The following AGBL3 variants were observed in gnomAD, a reference collection of about 807,000 sequenced individuals.
AGBL3 encodes the protein AGBL carboxypeptidase 3, also known as cytosolic carboxypeptidase 3.
A neutral mutation model predicts 94.5 loss-of-function variants in AGBL3; 68 were observed. The observed-to-expected ratio is 0.72, with a 90% confidence interval of 0.59 to 0.88. The LOEUF (loss-of-function observed/expected upper bound fraction) is 0.88, where lower values mean the gene tolerates loss of function less well. AGBL3 is among the 40% of genes least tolerant of loss of function. The probability of loss-of-function intolerance (pLI) is 0.00; values close to 1 mark genes in which losing one functional copy is unlikely to be tolerated. For missense variants in AGBL3, 934 were observed against 1,103.8 expected (o/e 0.85, Z 2.18); for synonymous variants, 354 against 370.7 (o/e 0.95, Z 0.52).
intron 15 of AGBL3, among the ~76,000 whole-genome samples, chr7:135,101,923 A>G (rs764087065): frequency 3.3e-5 from 5 of 152,170 alleles, no homozygotes; most frequent in Non-Finnish European, 7.3e-5. Flanking sequence ...GATAGTAAAT[A>G]AGTCTCACGA....
At chr7:135,079,387 C>A (rs1266459046) in intron 13 of AGBL3, among the ~76,000 whole-genome samples, 1 of 151,982 alleles carries the variant, frequency 6.6e-6, no homozygotes, top group Non-Finnish European at 1.5e-5. Flanking sequence ...TTTTTTGCTG[C>A]CAATCAATTA....
chr7:135,027,369 A>G (rs1406229289), intron 5 of AGBL3, among the ~76,000 whole-genome samples: 2 of 151,576 alleles, frequency 1.3e-5, no homozygotes, highest in Non-Finnish European at 2.9e-5. Context: ...AATTAATATT[A>G]TACCTTTTTT....
intron 15 of AGBL3, among the ~76,000 whole-genome samples, chr7:135,113,901 T>C (rs1825970872): frequency 6.6e-6 from 1 of 152,260 alleles, no homozygotes; most frequent in Non-Finnish European, 1.5e-5. Context: ...GTCAATGGAA[T>C]ATTCTAGTCA....
At chr7:135,114,797 T>C (rs908336265) in intron 15 of AGBL3, among the ~76,000 whole-genome samples, 1 of 152,182 alleles carries the variant, frequency 6.6e-6, no homozygotes, top group African/African-American at 2.4e-5. Context: ...CAGCACAATC[T>C]TGTCCAAACA....
At chr7:135,021,976 G>C (rs1387713314) in intron 5 of AGBL3, among the ~76,000 whole-genome samples, 2 of 152,146 alleles carry the variant, frequency 1.3e-5, no homozygotes, top group African/African-American at 2.4e-5. Flanking sequence ...CTTCATCCAT[G>C]TCCCTGCAAA....
chr7:135,082,438 T>C (rs1465902656), intron 15 of AGBL3, among the ~76,000 whole-genome samples: 1 of 152,176 alleles, frequency 6.6e-6, no homozygotes, highest in African/African-American at 2.4e-5. Flanking sequence ...ATTTTACTCT[T>C]TTTTATTGCT....
rs1218797284 is a variant in AGBL3, at chr7:135,042,364, G to A, written c.1501-1661G>A. Among the ~76,000 whole-genome samples the A allele has an allele frequency of 3.3e-5, 5 of 152,148 alleles. No homozygotes were observed. The East Asian group carries it at 9.6e-4, about 29-fold the overall frequency. Reference sequence around the variant, plus strand: ...TAAAAAGGAATGAATATTCACACATGCAACAACTTGGATAAATCTCAAAAG... The same window carrying A: ...TAAAAAGGAATGAATATTCACACATACAACAACTTGGATAAATCTCAAAAG... On this transcript the variant is annotated intron_variant, in intron 8 of 16. Coordinates refer to ENST00000436302, the MANE Select transcript of AGBL3 (RefSeq NM_178563.4).
rs1414731864 is a variant in AGBL3 at position 135,135,022 on chromosome 7, T to C, written c.2524T>C (p.Ser842Pro). Residue 842 changes from serine (S) to proline (P), a missense_variant, in exon 17 of 17, where the codon TCT (serine) becomes CCT (proline). Around this residue, in one of 3 missense-constraint regions of AGBL3, gnomAD observed 441 missense variants for 518.2 expected, o/e 0.85. Coordinates refer to ENST00000436302, the MANE Select transcript of AGBL3 (RefSeq NM_178563.4). ...PLKGPKKNKH[S>P]QIWAIKNEDI... is the part of the protein sequence containing the mutation. ...CAAAGGCCCCAAGAAGAATAAACAT[T>C]CTCAAATCTGGGCCATAAAGAATGA... The C allele has an allele frequency of 6.4e-7, 1 of 1,550,834 alleles. No homozygotes were observed. Among genetic ancestry groups the C allele is most frequent in the Non-Finnish European group, 8.7e-7 (1 of 1,146,616 alleles).
intron 3 of AGBL3, among the ~76,000 whole-genome samples, chr7:134,991,698 T>C (rs1025273550): frequency 6.6e-6 from 1 of 152,050 alleles, no homozygotes; most frequent in African/African-American, 2.4e-5. Context: ...CTAAATAGGA[T>C]ATTATCATTG....
At chr7:135,059,944 C>T (rs1244764259) in intron 12 of AGBL3, among the ~76,000 whole-genome samples, 6 of 152,128 alleles carry the variant, frequency 3.9e-5, no homozygotes, top group African/African-American at 1.4e-4. Flanking sequence ...ATGGGTCTGC[C>T]GGTTGGCTCT....
At chr7:135,103,679 T>C (rs1824209122) in intron 15 of AGBL3, among the ~76,000 whole-genome samples, 1 of 152,180 alleles carries the variant, frequency 6.6e-6, no homozygotes, top group African/African-American at 2.4e-5. Flanking sequence ...TAGATATCTG[T>C]AGTCACATCA....
intron 11 of AGBL3, among the ~76,000 whole-genome samples, chr7:135,056,636 T>C (rs1254598154): frequency 1.3e-5 from 2 of 151,958 alleles, no homozygotes; most frequent in African/African-American, 4.8e-5. Context: ...AAAAATACCA[T>C]CTATGCTAGC....
intron 5 of AGBL3, among the ~76,000 whole-genome samples, chr7:135,030,488 A>T (rs945364644): frequency 1.3e-5 from 2 of 152,198 alleles, no homozygotes; most frequent in African/African-American, 4.8e-5. Flanking sequence ...GACCATCTGT[A>T]TGTAATGTGT....
At chr7:135,129,659 T>C (rs4728353) in intron 16 of AGBL3, 229,499 of 778,014 alleles carry the variant, frequency 0.29, 41,265 homozygotes, top group East Asian at 0.57. Flanking sequence ...TGGATGTTGA[T>C]GAAGATATTT....
chr7:135,066,773 G>A (rs11763690), intron 12 of AGBL3, among the ~76,000 whole-genome samples: 73,453 of 151,700 alleles, frequency 0.48, 18,098 homozygotes, highest in South Asian at 0.66. Context: ...CAAGATGGCC[G>A]AACAGGAACA....
intron 3 of AGBL3, among the ~76,000 whole-genome samples, chr7:134,991,844 A>G (rs902550378): frequency 5.3e-5 from 8 of 152,122 alleles, no homozygotes; most frequent in African/African-American, 1.9e-4. Context: ...CTCAGTTTCT[A>G]TCTGAGATTT....
intron 11 of AGBL3, among the ~76,000 whole-genome samples, chr7:135,058,823 C>A (rs946342765): frequency 6.6e-6 from 1 of 152,184 alleles, no homozygotes; most frequent in Non-Finnish European, 1.5e-5. Context: ...ATGGCACGAT[C>A]TCAGCTCACT....
At chr7:135,092,361 C>T (rs1427782364) in intron 15 of AGBL3, 1 of 152,114 alleles carries the variant, frequency 6.6e-6, no homozygotes, top group Non-Finnish European at 1.5e-5. Flanking sequence ...TTGTTGTCAA[C>T]ATTTTTTTCA....
chr7:135,037,102 TAG>T (rs1259010426), intron 7 of AGBL3, among the ~76,000 whole-genome samples: 3 of 152,098 alleles, frequency 2.0e-5, no homozygotes, highest in Non-Finnish European at 4.4e-5. Flanking sequence ...GTATTTTTAG[TAG>T]AGAGGTGGTT....
Sources: allele counts gnomAD v4.1 joint callset (sites outside exome capture counted in the v4.1 genomes callset), GRCh38; gene constraint gnomAD v4.1.1; regional missense constraint gnomAD v4.1.1; transcripts MANE v1.5; gene names NCBI Gene and HGNC (gene_info 2026-07-23, HGNC 2026-07-21).